The following KANSL3 variants were observed in gnomAD, a reference collection of about 807,000 sequenced individuals.
KANSL3 encodes KAT8 regulatory NSL complex subunit 3, also known as NSL complex protein NSL3.
Under a neutral mutation model 89.2 loss-of-function variants are expected in KANSL3, and 16 were observed. The ratio of observed to expected loss-of-function variants is 0.18; its 90% CI spans 0.12 to 0.27. KANSL3 has a LOEUF of 0.27. Ranked by LOEUF, KANSL3 falls within the 10% of genes least tolerant of loss-of-function variation. The probability of loss-of-function intolerance (pLI) is 1.00; values close to 1 mark genes in which losing one functional copy is unlikely to be tolerated. For missense variants in KANSL3, 879 were observed against 1,110.6 expected, an observed-to-expected ratio of 0.79 and a Z score of 2.96; for synonymous variants, 385 against 419.7, an observed-to-expected ratio of 0.92 and a Z score of 1.01.
chr2:96,580,983 A>C, the KANSL3 span, among the ~76,000 whole-genome samples: 1 of 152,326 alleles, frequency 6.6e-6, no homozygotes, highest in East Asian at 1.9e-4. Flanking sequence ...CCCTTCTAGA[A>C]AACATCTGGC....
At chr2:96,602,916 G>A (rs934938803) in intron 17 of KANSL3, 54 bp from the exon 18 acceptor site, 17 of 1,530,150 alleles carry the variant, frequency 1.1e-5, no homozygotes, top group South Asian at 2.2e-5. Flanking sequence ...GCACTATCCC[G>A]AGAGCAGCCA....
At chr2:96,623,972 T>C (rs911185546) in intron 3 of KANSL3, among the ~76,000 whole-genome samples, 1 of 152,262 alleles carries the variant, frequency 6.6e-6, no homozygotes, top group African/African-American at 2.4e-5. Flanking sequence ...TTGGGGGTAC[T>C]AGAAGCAGTC....
intron 17 of KANSL3, 56 bp from the exon 18 acceptor site, chr2:96,602,918 G>A: frequency 2.6e-6 from 4 of 1,525,946 alleles, no homozygotes; most frequent in Admixed American, 1.7e-5. Flanking sequence ...ACTATCCCGA[G>A]AGCAGCCACA....
At chr2:96,598,610 T>C (rs1309326413) in intron 20 of KANSL3, among the ~76,000 whole-genome samples, 1 of 152,120 alleles carries the variant, frequency 6.6e-6, no homozygotes, top group African/African-American at 2.4e-5. Context: ...TCATTTTAAC[T>C]GATTAGAAGG....
intron 3 of KANSL3, among the ~76,000 whole-genome samples, chr2:96,630,615 AACTCTG>A (rs1454049608): frequency 6.6e-6 from 1 of 152,266 alleles, no homozygotes; most frequent in East Asian, 1.9e-4. Flanking sequence ...ATGAATATAC[AACTCTG>A]ACTATACTAA....
intron 20 of KANSL3, chr2:96,601,127 G>A (rs1338268480): frequency 4.1e-6 from 1 of 242,352 alleles, no homozygotes; most frequent in East Asian, 1.8e-4. Context: ...TTGTAGCCGG[G>A]CATGGTGGCG....
chr2:96,591,793 A>T (rs1297298854), downstream of KANSL3, among the ~76,000 whole-genome samples: 1 of 152,186 alleles, frequency 6.6e-6, no homozygotes, highest in Non-Finnish European at 1.5e-5. Context: ...GCAGCTAAAA[A>T]GTCCTGTGAC....
intron 3 of KANSL3, chr2:96,627,801 G>GAA (rs2072639462): frequency 3.0e-6 from 2 of 677,832 alleles, no homozygotes; most frequent in Non-Finnish European, 4.5e-6. Flanking sequence ...AGAGCAGAAG[G>GAA]AACTGCAAGC....
rs553401142 is a variant in KANSL3, at chr2:96,633,443, C to T, written c.216-1961G>A. Among the ~76,000 whole-genome samples the T allele has an allele frequency of 5.9e-5, 9 of 151,922 alleles. No homozygotes were observed. In the South Asian group the frequency reaches 1.9e-3, roughly 32 times the overall value. Reference sequence around the variant, plus strand: ...AAAAATTAGGGTGTGGTGGCACGTGCCTGTAGTCCCAGCTACTCAGGAGGC... The same window carrying T: ...AAAAATTAGGGTGTGGTGGCACGTGTCTGTAGTCCCAGCTACTCAGGAGGC... On this transcript the variant is annotated intron_variant, in intron 2 of 20. Transcript: ENST00000431828.
chr2:96,598,906 C>T (rs557607005), intron 20 of KANSL3, among the ~76,000 whole-genome samples: 2 of 63,352 alleles, frequency 3.2e-5, no homozygotes, highest in South Asian at 1.6e-3. Flanking sequence ...GTGAGACTGT[C>T]TCAAAAAAAA....
downstream of KANSL3, among the ~76,000 whole-genome samples, chr2:96,592,189 T>C (rs2066288072): frequency 6.6e-6 from 1 of 152,070 alleles, no homozygotes. Context: ...TAACACGATG[T>C]GCCCAGGTAT....
intron 17 of KANSL3, 90 bp downstream of exon 17, chr2:96,604,160 T>A: frequency 7.0e-7 from 1 of 1,436,398 alleles, no homozygotes. Flanking sequence ...TCCTATGGAT[T>A]TAGCTCCAGG....
the KANSL3 span, among the ~76,000 whole-genome samples, chr2:96,584,358 T>C: frequency 6.6e-6 from 1 of 152,202 alleles, no homozygotes; most frequent in African/African-American, 2.4e-5. Context: ...TATGTATTTA[T>C]GGGGCAGAGT....
intron 9 of KANSL3, 128 bp from the exon 10 acceptor site, chr2:96,611,266 G>A: frequency 1.4e-6 from 1 of 726,528 alleles, no homozygotes; most frequent in Non-Finnish European, 2.4e-6. Context: ...TAATATCCGG[G>A]TGCATCTTCT....
Position 96,604,261 on chromosome 2 carries a change from C to A in KANSL3, c.2138G>T (p.Ser713Ile). The A allele has an allele frequency of 2.5e-6, 4 of 1,606,518 alleles. No individual in the cohort carries two copies. The highest frequency in any genetic ancestry group is 3.4e-6 in the Non-Finnish European group (4 of 1,177,126). ...GGGCCACAAGATACCTGGGAGGGAG[C>A]TGCCAGGAGATGTGGCCACCAGGCG... The part of the protein sequence containing the change: ...QSRLVATSPG[S>I]SLPGATSASS... The change falls in exon 17 of 21, where the codon AGC becomes ATC. Residue 713 changes from serine to isoleucine, a missense_variant. Ser to Ile is a moderately radical substitution (Grantham distance 142). Around this residue, in one of 6 missense-constraint regions of KANSL3, gnomAD observed 317 missense variants for 311.2 expected, o/e 1.02. Coordinates refer to ENST00000431828, the MANE Select transcript of KANSL3 (RefSeq NM_001115016.3).
In KANSL3 at chr2:96,597,254, T is replaced by A. The variant is rs150134023; in HGVS notation, c.2617-1623A>T. Among the ~76,000 whole-genome samples, 8 of 152,260 alleles carry A rather than the reference T, an allele frequency of 5.3e-5. No homozygotes were observed. The East Asian group carries it at 1.3e-3, about 26-fold the overall frequency. On this transcript the variant is annotated intron_variant, in intron 20 of 20. Transcript: ENST00000431828. ...TTAAAATTTCCAATTGCCTCATAAA[T>A]GTCAAAAAAATGGGTAGTTTGTTTC...
chr2:96,604,676 C>G (rs572678875), intron 16 of KANSL3, 103 bp downstream of exon 16: 3 of 1,103,124 alleles, frequency 2.7e-6, no homozygotes, highest in South Asian at 2.9e-5. Flanking sequence ...ATTTCCAAAA[C>G]TGACAAGAAT....
chr2:96,614,874 G>C (rs2069691718), intron 5 of KANSL3, among the ~76,000 whole-genome samples: 1 of 150,902 alleles, frequency 6.6e-6, no homozygotes. Flanking sequence ...CACCAACATG[G>C]CACACGTATA....
chr2:96,598,908 C>CAAAAA (rs10551331), intron 20 of KANSL3, among the ~76,000 whole-genome samples: 2 of 44,954 alleles, frequency 4.4e-5, no homozygotes, highest in Non-Finnish European at 8.8e-5. Context: ...GAGACTGTCT[C>CAAAAA]AAAAAAAAAA....
Sources: gnomAD v4.1 joint callset for allele counts (sites outside exome capture counted in the v4.1 genomes callset) on GRCh38, gnomAD v4.1.1 for gene constraint, gnomAD v4.1.1 regional missense constraint, MANE v1.5 for transcripts, NCBI Gene and HGNC (gene_info 2026-07-23, HGNC 2026-07-21) for gene names.